The following ATRNL1 variants were observed in gnomAD, a reference collection of about 807,000 sequenced individuals.
ATRNL1 encodes attractin-like protein 1.
ATRNL1 carries 95 observed loss-of-function variants against 182.7 expected under a neutral mutation model. The observed-to-expected ratio is 0.52, with a 90% CI of 0.44 to 0.62. The LOEUF (loss-of-function observed/expected upper bound fraction) is 0.62. Among genes scored for constraint, ATRNL1 ranks in the 20% least tolerant of loss-of-function variants. ATRNL1 has a pLI of 0.00. For synonymous variants in ATRNL1, 576 were observed against 568.3 expected (o/e 1.01, Z -0.19); for missense variants, 1,471 against 1,679.5 (o/e 0.88, Z 2.17).
At chr10:115,744,740 A>C (rs1293145343) in intron 27 of ATRNL1, among the ~76,000 whole-genome samples, 2 of 152,180 alleles carry the variant, frequency 1.3e-5, no homozygotes, top group African/African-American at 4.8e-5. Context: ...CATAATACAT[A>C]TACACAGTTT....
chr10:115,405,165 A>T (rs1565005838), intron 20 of ATRNL1, among the ~76,000 whole-genome samples: 2 of 152,334 alleles, frequency 1.3e-5, no homozygotes, highest in East Asian at 3.9e-4. Context: ...TATATTTATT[A>T]TTAAGTTATC....
At chr10:115,291,471 T>C (rs782604057) in intron 15 of ATRNL1, among the ~76,000 whole-genome samples, 1 of 152,180 alleles carries the variant, frequency 6.6e-6, no homozygotes, top group Non-Finnish European at 1.5e-5. Flanking sequence ...CTTTATTATT[T>C]TCAGGTACAT....
intron 8 of ATRNL1, among the ~76,000 whole-genome samples, chr10:115,180,858 A>C (rs1847721430): frequency 6.6e-6 from 1 of 151,914 alleles, no homozygotes; most frequent in Admixed American, 6.6e-5. Flanking sequence ...AGGTTTGCAG[A>C]TGTTTTTTGG....
At chr10:115,895,356 G>A (rs903486576) in intron 28 of ATRNL1, among the ~76,000 whole-genome samples, 4 of 152,220 alleles carry the variant, frequency 2.6e-5, no homozygotes, top group Admixed American at 2.0e-4. Flanking sequence ...CGGGTGCAGT[G>A]CCTTTTCAGC....
intron 28 of ATRNL1, among the ~76,000 whole-genome samples, chr10:115,920,287 G>C (rs1953010574): frequency 6.6e-6 from 1 of 152,142 alleles, no homozygotes; most frequent in Non-Finnish European, 1.5e-5. Flanking sequence ...TGCCTTACCA[G>C]TTTATTCTGA....
intron 20 of ATRNL1, among the ~76,000 whole-genome samples, chr10:115,411,607 C>T (rs1285504164): frequency 6.6e-6 from 1 of 151,892 alleles, no homozygotes; most frequent in African/African-American, 2.4e-5. Context: ...CTTCTAAAGG[C>T]TTTTAATGTT....
chr10:115,242,510 T>G (rs981723212), intron 10 of ATRNL1, among the ~76,000 whole-genome samples: 1 of 151,944 alleles, frequency 6.6e-6, no homozygotes, highest in Non-Finnish European at 1.5e-5. Context: ...CACCTTTTAT[T>G]GAGGGTATAA....
intron 13 of ATRNL1, among the ~76,000 whole-genome samples, chr10:115,273,847 G>C (rs782185381): frequency 4.6e-5 from 7 of 152,116 alleles, no homozygotes; most frequent in Non-Finnish European, 8.8e-5. Context: ...TGCTCCTTCA[G>C]GGCCTCCTTG....
intron 13 of ATRNL1, among the ~76,000 whole-genome samples, chr10:115,269,899 T>G (rs1851768588): frequency 1.3e-5 from 2 of 151,580 alleles, no homozygotes; most frequent in African/African-American, 4.8e-5. Flanking sequence ...TTTCAGAACT[T>G]AAAATGGAGG....
chr10:115,825,544 C>T (rs1950411172), intron 27 of ATRNL1, among the ~76,000 whole-genome samples: 1 of 152,028 alleles, frequency 6.6e-6, no homozygotes, highest in Non-Finnish European at 1.5e-5. Flanking sequence ...CATGGCATCT[C>T]GTTACCTAAA....
chr10:115,361,783 C>T (rs1554944279), intron 19 of ATRNL1, among the ~76,000 whole-genome samples: 2 of 151,912 alleles, frequency 1.3e-5, no homozygotes, highest in Non-Finnish European at 2.9e-5. Context: ...GCACTCTTGG[C>T]CCTTTGAGTC....
chr10:115,920,111 T>C (rs181735956), intron 28 of ATRNL1, among the ~76,000 whole-genome samples: 25 of 152,336 alleles, frequency 1.6e-4, no homozygotes, highest in Admixed American at 3.3e-4. Flanking sequence ...TCCAGTCTCA[T>C]CCTTCCTAAC....
chr10:115,933,770 C>T (rs1396296822), intron 28 of ATRNL1, among the ~76,000 whole-genome samples: 2 of 152,234 alleles, frequency 1.3e-5, no homozygotes, highest in African/African-American at 4.8e-5. Context: ...TAACTAGCTA[C>T]TGACCAGTGT....
chr10:115,929,401 A>G (rs1214378453), intron 28 of ATRNL1, among the ~76,000 whole-genome samples: 3 of 152,084 alleles, frequency 2.0e-5, no homozygotes, highest in East Asian at 3.8e-4. Context: ...AAATCCTTTG[A>G]CTCATCCTAT....
chr10:115,307,722 G>A (rs1853805242), intron 17 of ATRNL1, among the ~76,000 whole-genome samples: 1 of 152,064 alleles, frequency 6.6e-6, no homozygotes. Context: ...TTTTTCCCGT[G>A]TTTTTAACCA....
At chr10:115,610,026 A>G (rs1394078096) in intron 26 of ATRNL1, among the ~76,000 whole-genome samples, 1 of 152,210 alleles carries the variant, frequency 6.6e-6, no homozygotes, top group Non-Finnish European at 1.5e-5. Flanking sequence ...TTTACCATGT[A>G]TTATGCTATA....
At chr10:115,868,093 C>T (rs782119575) in intron 28 of ATRNL1, among the ~76,000 whole-genome samples, 1 of 152,038 alleles carries the variant, frequency 6.6e-6, no homozygotes, top group African/African-American at 2.4e-5. Flanking sequence ...AAACATAGAG[C>T]TTATACATTG....
At chr10:115,178,026 C>T (rs1847599379) in intron 8 of ATRNL1, among the ~76,000 whole-genome samples, 1 of 149,298 alleles carries the variant, frequency 6.7e-6, no homozygotes, top group Admixed American at 6.7e-5. Flanking sequence ...TCAAGTGATC[C>T]TCCCACCTCA....
intron 5 of ATRNL1, among the ~76,000 whole-genome samples, chr10:115,158,618 G>GA (rs1846634053): frequency 6.6e-6 from 1 of 151,730 alleles, no homozygotes; most frequent in Non-Finnish European, 1.5e-5. Context: ...TGTAAGCATT[G>GA]AAAAAAATCT....
Sources: allele counts gnomAD v4.1 joint callset (sites outside exome capture counted in the v4.1 genomes callset), GRCh38; gene constraint gnomAD v4.1.1; transcripts MANE v1.5; gene names NCBI Gene and HGNC (gene_info 2026-07-23, HGNC 2026-07-21).